The following IARS1 variants were observed in gnomAD, a reference collection of about 807,000 sequenced individuals.
IARS1 encodes isoleucine--tRNA ligase, cytoplasmic.
A neutral mutation model predicts 168.2 loss-of-function variants in IARS1; 124 were observed. The ratio of observed to expected loss-of-function variants is 0.74; its 90% CI spans 0.64 to 0.86. The LOEUF (loss-of-function observed/expected upper bound fraction) is 0.86. Among genes scored for constraint, IARS1 ranks in the 40% least tolerant of loss-of-function variants. The pLI is 0.00. For missense variants in IARS1, 1,452 were observed against 1,515.8 expected, an observed-to-expected ratio of 0.96 and a Z score of 0.70; for synonymous variants, 532 against 529.4, an observed-to-expected ratio of 1.00 and a Z score of -0.07.
Position 92,215,169 on chromosome 9 carries a change from C to G in IARS1, c.3707-4280G>C, listed in dbSNP as rs563927142. On this transcript the variant is annotated intron_variant, in intron 33 of 33. Transcript: ENST00000443024. ...ACCCCCCAGCAGGGGCACACTGATA[C>G]CTCACACGGCAGGGTATTCCAACAG... 4.2e-3 allele frequency among the ~76,000 whole-genome samples: 642 copies of G among 152,278 alleles called. 4 individuals are homozygous for G. The highest frequency in any genetic ancestry group is 0.013 in the African/African-American group (553 of 41,546).
chr9:92,280,963 C>T, intron 6 of IARS1, 70 bp from the exon 7 acceptor site: 2 of 1,028,806 alleles, frequency 1.9e-6, no homozygotes, highest in Non-Finnish European at 2.8e-6. Context: ...AAAGGAACTA[C>T]TCCTAAAGAG....
intron 18 of IARS1, 123 bp from the exon 19 acceptor site, chr9:92,259,121 G>A (rs1442385493): frequency 8.5e-6 from 7 of 824,322 alleles, no homozygotes; most frequent in South Asian, 3.8e-5. Flanking sequence ...GGGTAATTAT[G>A]AATACTCTTT....
chr9:92,229,513 T>C (rs1564160417), intron 30 of IARS1, among the ~76,000 whole-genome samples: 1 of 152,212 alleles, frequency 6.6e-6, no homozygotes, highest in Non-Finnish European at 1.5e-5. Flanking sequence ...TTCTTATTTA[T>C]GATTGTCATT....
chr9:92,255,292 A>C (rs1382811679), intron 20 of IARS1, among the ~76,000 whole-genome samples: 1 of 152,202 alleles, frequency 6.6e-6, no homozygotes, highest in Non-Finnish European at 1.5e-5. Flanking sequence ...GGTGAATCCC[A>C]GGTCTGTGGC....
At position 92,240,946 on chromosome 9, in the gene IARS1, G is replaced by A; in HGVS notation, c.3193C>T (p.Leu1065=). The change falls in exon 30 of 34, where the codon CTG becomes TTG. Residue 1065 remains leucine (L), a synonymous_variant. Transcript: ENST00000443024. ...QEKTQLKGSE[L]EITLTRGSSL... is the part of the protein sequence containing the mutation. ...GATCCTCTGGTGAGTGTAATTTCCA[G>A]TTCAGATCCCTTCAACTGAGCACAT... The A allele has an allele frequency of 1.2e-6, 2 of 1,610,402 alleles. No individual in the cohort carries two copies. The highest frequency in any genetic ancestry group is 2.2e-5 in the South Asian group (2 of 90,902).
At chr9:92,238,707 A>G (rs1408269193) in intron 30 of IARS1, among the ~76,000 whole-genome samples, 1 of 152,182 alleles carries the variant, frequency 6.6e-6, no homozygotes, top group Non-Finnish European at 1.5e-5. Flanking sequence ...AGGGTTTTAT[A>G]TGTATCCTGT....
rs75781097 is a variant in IARS1, at chr9:92,281,784, G to A, written c.598-891C>T. 4.6e-3 allele frequency among the ~76,000 whole-genome samples: 702 copies of A among 152,014 alleles called. 4 individuals are homozygous for A. The highest frequency in any genetic ancestry group is 0.015 in the African/African-American group (611 of 41,470). ...AACTGCAATTTAAATAAAGTGACAC[G>A]AGAGCCATTAGTCACATGTAAAACA... On this transcript the variant is annotated intron_variant, in intron 6 of 33. Coordinates refer to ENST00000443024, the MANE Select transcript of IARS1 (RefSeq NM_002161.6).
intron 25 of IARS1, 115 bp downstream of exon 25, chr9:92,249,743 T>C (rs572669213): frequency 8.9e-5 from 49 of 550,660 alleles, no homozygotes; most frequent in Admixed American, 5.1e-4. Flanking sequence ...ATTACATTTG[T>C]TATGACTATA....
chr9:92,261,181 T>C (rs975562727), intron 17 of IARS1, among the ~76,000 whole-genome samples: 5 of 151,924 alleles, frequency 3.3e-5, no homozygotes, highest in Non-Finnish European at 7.4e-5. Context: ...TGGTGGTTCA[T>C]GCCTGTGGTC....
rs562201221 is a variant in IARS1, at chr9:92,293,591, G to A, written c.-8+20C>T. The A allele has an allele frequency of 7.4e-6, 3 of 404,106 alleles. No individual in the cohort carries two copies. The highest frequency in any genetic ancestry group is 2.1e-5 in the African/African-American group (1 of 47,800). The allele number at this position is 404,106 out of a possible 1,614,324, so 25.0% of individuals were successfully genotyped here. On this transcript the variant is annotated intron_variant, in intron 1 of 33. Coordinates refer to ENST00000443024, the MANE Select transcript of IARS1 (RefSeq NM_002161.6). ...CCCTCGTCTTTGAGGGCCGGATCCT[G>A]CAGGGAAGAGAGGGCGTACCTGAGG...
chr9:92,222,394 C>A, intron 33 of IARS1, 126 bp downstream of exon 33: 162 of 347,524 alleles, frequency 4.7e-4, no homozygotes, highest in Middle Eastern at 6.6e-4. Context: ...TGGTAAATTT[C>A]TGGGGAAAGA....
chr9:92,274,972 C>A (rs781606820), intron 9 of IARS1, among the ~76,000 whole-genome samples: 5 of 152,220 alleles, frequency 3.3e-5, no homozygotes, highest in Non-Finnish European at 5.9e-5. Flanking sequence ...TTGAAAGGAA[C>A]AGGTGGGAGC....
chr9:92,215,208 G>T (rs1838453133), intron 33 of IARS1, among the ~76,000 whole-genome samples: 1 of 152,174 alleles, frequency 6.6e-6, no homozygotes, highest in South Asian at 2.1e-4. Flanking sequence ...TGCAGTTGAG[G>T]GTCCTGTCTG....
intron 1 of IARS1, among the ~76,000 whole-genome samples, chr9:92,291,151 C>T (rs1836261861): frequency 6.6e-6 from 1 of 151,958 alleles, no homozygotes; most frequent in Non-Finnish European, 1.5e-5. Context: ...TGAGACCTTT[C>T]CTTCTCAAAG....
rs146261679 is a variant in IARS1 at position 92,222,377 on chromosome 9, T to C, written c.3706+143A>G. 3.1e-3 allele frequency: 1,554 copies of C among 493,626 alleles called. 25 individuals are homozygous for C. The highest frequency in any genetic ancestry group is 0.029 in the African/African-American group (1,414 of 48,864). 30.6% of individuals were successfully genotyped at this position (493,626 alleles called of 1,614,324 possible). On this transcript the variant is annotated intron_variant, in intron 33 of 33. Coordinates refer to ENST00000443024, the MANE Select transcript of IARS1 (RefSeq NM_002161.6). Reference sequence around the variant, plus strand: ...AAAAAAAAAAAAAAGAAAAGAAAATTATATTATGGTAAATTTCTGGGGAAA... The same window carrying C: ...AAAAAAAAAAAAAAGAAAAGAAAATCATATTATGGTAAATTTCTGGGGAAA...
intron 9 of IARS1, among the ~76,000 whole-genome samples, chr9:92,275,521 T>G (rs1833659572): frequency 6.6e-6 from 1 of 152,212 alleles, no homozygotes; most frequent in African/African-American, 2.4e-5. Flanking sequence ...ATTTTAGAAG[T>G]TATAGTATGA....
intron 10 of IARS1, among the ~76,000 whole-genome samples, chr9:92,273,215 T>G (rs1228348846): frequency 2.0e-5 from 3 of 151,542 alleles, no homozygotes; most frequent in Admixed American, 6.6e-5. Flanking sequence ...GGGGTAACCA[T>G]ACCAGTTAAT....
chr9:92,286,049 G>A, intron 5 of IARS1: 1 of 482,096 alleles, frequency 2.1e-6, no homozygotes, highest in Non-Finnish European at 3.7e-6. Flanking sequence ...GATATCGAAT[G>A]ATATTTAACA....
rs1837567523 is a variant in IARS1, at chr9:92,210,394, C to T, written c.*413G>A. The T allele has an allele frequency of 6.5e-6, 1 of 153,984 alleles. No individual in the cohort carries two copies. The highest frequency in any genetic ancestry group is 1.4e-5 in the Non-Finnish European group (1 of 69,358). 9.5% of individuals were successfully genotyped at this position (153,984 alleles called of 1,614,324 possible). On this transcript the variant is annotated 3_prime_UTR_variant, in exon 34 of 34. Coordinates refer to ENST00000443024, the MANE Select transcript of IARS1 (RefSeq NM_002161.6). ...TTTACTGAAACTTAAAATATTCCAT[C>T]AAATTATCCAGGAAAATCCAGGTGG...
Sources: gnomAD v4.1 joint callset for allele counts (sites outside exome capture counted in the v4.1 genomes callset) on GRCh38, gnomAD v4.1.1 for gene constraint, MANE v1.5 for transcripts, NCBI Gene and HGNC (gene_info 2026-07-23, HGNC 2026-07-21) for gene names.